The following CD2AP variants were observed in gnomAD, a reference collection of about 807,000 sequenced individuals.
CD2AP encodes the protein CD2 associated protein.
Under a neutral mutation model 85.1 loss-of-function variants are expected in CD2AP, and 46 were observed. That is an observed-to-expected ratio of 0.54 (90% CI 0.43 to 0.69). CD2AP has a LOEUF of 0.69. CD2AP is among the 30% of genes least tolerant of loss of function. CD2AP has a pLI of 0.00. For synonymous variants in CD2AP, 255 were observed against 252.9 expected, an observed-to-expected ratio of 1.01 and a Z score of -0.08; for missense variants, 769 against 729.5, an observed-to-expected ratio of 1.05 and a Z score of -0.62.
chr6:47,617,353 T>C (rs748303250), intron 17 of CD2AP, among the ~76,000 whole-genome samples: 1 of 152,192 alleles, frequency 6.6e-6, no homozygotes, highest in Non-Finnish European at 1.5e-5. Context: ...TTTGAATTCA[T>C]CTATACTCAT....
In CD2AP at chr6:47,577,036, C is replaced by T; in HGVS notation, c.836C>T (p.Ala279Val). 1 of 1,516,278 alleles carries T rather than the reference C, an allele frequency of 6.6e-7. No individual in the cohort carries two copies. The highest frequency in any genetic ancestry group is 9.2e-7 in the Non-Finnish European group (1 of 1,091,316). The allele number at this position is 1,516,278 out of a possible 1,614,324, so 93.9% of individuals were successfully genotyped here. The change falls in exon 8 of 18, where the codon GCC (alanine) becomes GTC (valine). Residue 279 changes from alanine to valine, a missense_variant. Coordinates refer to ENST00000359314, the MANE Select transcript of CD2AP (RefSeq NM_012120.3). ...AAAGAATATTGTAGAACATTATTTG[C>T]CTATGAAGGTACTAATGAAGATGAA... ...KAKEYCRTLFAYEGTNEDELT... is the reference protein window; with the variant it reads ...KAKEYCRTLFVYEGTNEDELT...
intron 11 of CD2AP, among the ~76,000 whole-genome samples, chr6:47,594,509 T>G (rs1205599861): frequency 6.6e-6 from 1 of 152,058 alleles, no homozygotes; most frequent in East Asian, 1.9e-4. Context: ...ATCAGTGAAC[T>G]TCTCTTTAAT....
At chr6:47,582,874 C>A (rs1329183384) in intron 11 of CD2AP, among the ~76,000 whole-genome samples, 3 of 151,488 alleles carry the variant, frequency 2.0e-5, no homozygotes, top group East Asian at 3.9e-4. Context: ...GCTCCGCCTC[C>A]TGGGTTCATG....
At chr6:47,587,014 T>G (rs1032758981) in intron 11 of CD2AP, among the ~76,000 whole-genome samples, 2 of 152,174 alleles carry the variant, frequency 1.3e-5, no homozygotes, top group Admixed American at 1.3e-4. Flanking sequence ...AAAATGTCAG[T>G]GTTTTGCCAG....
intron 3 of CD2AP, among the ~76,000 whole-genome samples, chr6:47,534,621 C>T (rs577181589): frequency 2.0e-5 from 3 of 152,098 alleles, no homozygotes; most frequent in Admixed American, 2.0e-4. Flanking sequence ...AGGAGAATCA[C>T]TTGAACTCGG....
chr6:47,566,323 T>TATATAC, intron 5 of CD2AP, among the ~76,000 whole-genome samples: 4 of 108,454 alleles, frequency 3.7e-5, no homozygotes, highest in Admixed American at 9.2e-5. Context: ...TATATATATA[T>TATATAC]ACACATACAC....
chr6:47,480,864 A>G (rs1305609880), intron 1 of CD2AP, among the ~76,000 whole-genome samples: 3 of 152,354 alleles, frequency 2.0e-5, no homozygotes, highest in African/African-American at 7.2e-5. Context: ...TACAGAAACC[A>G]CATAGATACT....
At chr6:47,559,886 A>G (rs553463196) in intron 5 of CD2AP, among the ~76,000 whole-genome samples, 9 of 152,292 alleles carry the variant, frequency 5.9e-5, no homozygotes, top group African/African-American at 1.9e-4. Context: ...ATATAGAGCT[A>G]GAAAGTCCTA....
At chr6:47,530,663 G>A (rs1766850613) in intron 2 of CD2AP, among the ~76,000 whole-genome samples, 1 of 152,122 alleles carries the variant, frequency 6.6e-6, no homozygotes, top group Non-Finnish European at 1.5e-5. Flanking sequence ...TTTGTAAAAT[G>A]TACAGTACTG....
intron 2 of CD2AP, among the ~76,000 whole-genome samples, chr6:47,508,542 T>TTTG (rs796309674): frequency 1.4e-5 from 2 of 144,090 alleles, no homozygotes; most frequent in African/African-American, 2.7e-5. Context: ...TTCTTTTTTT[T>TTTG]TTTGTTTTTT....
At chr6:47,561,943 G>C (rs1318464340) in intron 5 of CD2AP, among the ~76,000 whole-genome samples, 2 of 152,058 alleles carry the variant, frequency 1.3e-5, no homozygotes. Context: ...TAATTTTTTT[G>C]TATTTTTAGT....
chr6:47,579,558 G>GT (rs1402098119), intron 9 of CD2AP, 69 bp downstream of exon 9: 40 of 979,858 alleles, frequency 4.1e-5, no homozygotes, highest in Non-Finnish European at 6.2e-5. Context: ...TTGCAAACAA[G>GT]TTTTTTTGCA....
intron 4 of CD2AP, among the ~76,000 whole-genome samples, chr6:47,547,151 G>T (rs1446023957): frequency 6.6e-6 from 1 of 151,932 alleles, no homozygotes; most frequent in African/African-American, 2.4e-5. Context: ...AAAAACTCAG[G>T]TATATAGGCA....
intron 10 of CD2AP, 78 bp from the exon 11 acceptor site, chr6:47,581,925 C>A: frequency 1.1e-6 from 1 of 916,862 alleles, no homozygotes; most frequent in Admixed American, 1.8e-5. Context: ...TTCAACTCAT[C>A]TTTACTTTTT....
chr6:47,560,196 TATCA>T lies in CD2AP; in HGVS notation c.541+5431_541+5434del, dbSNP rs561556852. ...TAACATTTCACCCCATTTGCTAACT[TATCA>T]TTCACCTTCTATCTAGATATCTGTA... On this transcript the variant is annotated intron_variant, in intron 5 of 17. Coordinates refer to ENST00000359314, the MANE Select transcript of CD2AP (RefSeq NM_012120.3). Among the ~76,000 whole-genome samples the T allele has an allele frequency of 2.5e-4, 38 of 152,300 alleles. No individual in the cohort carries two copies. In the East Asian group the frequency reaches 5.4e-3, roughly 22 times the overall value.
chr6:47,608,648 T>A (rs1241852953), intron 15 of CD2AP, among the ~76,000 whole-genome samples: 1 of 152,206 alleles, frequency 6.6e-6, no homozygotes, highest in Non-Finnish European at 1.5e-5. Flanking sequence ...TTTATTAAAG[T>A]GACTTTCTAT....
chr6:47,496,932 G>A (rs758358828), intron 1 of CD2AP, among the ~76,000 whole-genome samples: 4 of 152,022 alleles, frequency 2.6e-5, no homozygotes, highest in Admixed American at 6.6e-5. Context: ...TGTGGACTTA[G>A]CACTTTGTAT....
chr6:47,535,678 G>A (rs1054230564), intron 3 of CD2AP, among the ~76,000 whole-genome samples: 2 of 152,192 alleles, frequency 1.3e-5, no homozygotes, highest in Non-Finnish European at 2.9e-5. Flanking sequence ...GAAGGTGGAT[G>A]GTTTCAGCAG....
intron 1 of CD2AP, among the ~76,000 whole-genome samples, chr6:47,480,566 T>G (rs191580009): frequency 4.6e-5 from 7 of 152,332 alleles, no homozygotes; most frequent in Non-Finnish European, 8.8e-5. Flanking sequence ...GCACATTACT[T>G]CTCTGTGCTT....
Sources: gnomAD v4.1 joint callset for allele counts (sites outside exome capture counted in the v4.1 genomes callset) on GRCh38, gnomAD v4.1.1 for gene constraint, MANE v1.5 for transcripts, NCBI Gene and HGNC (gene_info 2026-07-23, HGNC 2026-07-21) for gene names.